The following GATM variants were observed in gnomAD, a reference collection of about 807,000 sequenced individuals.
GATM encodes the protein glycine amidinotransferase, mitochondrial.
GATM carries 23 observed loss-of-function variants against 54.2 expected under a neutral mutation model. The ratio of observed to expected loss-of-function variants is 0.42; its 90% CI spans 0.31 to 0.60. The LOEUF is 0.60. GATM is among the 20% of genes least tolerant of loss of function. GATM has a pLI of 0.14. For missense variants in GATM, 401 were observed against 544.9 expected (o/e 0.74, Z 2.63); for synonymous variants, 168 against 183.1 (o/e 0.92, Z 0.67).
intron 2 of GATM, 79 bp downstream of exon 2, chr15:45,376,522 G>A: frequency 6.6e-6 from 8 of 1,220,982 alleles, no homozygotes; most frequent in South Asian, 2.4e-5. Flanking sequence ...GGAGTAAGCT[G>A]AAGGGAAAGC....
intron 8 of GATM, among the ~76,000 whole-genome samples, chr15:45,363,182 G>C (rs1006702257): frequency 6.6e-6 from 1 of 152,260 alleles, no homozygotes; most frequent in Admixed American, 6.5e-5. Flanking sequence ...TGCGGCAGGA[G>C]AATCGCTTGA....
chr15:45,396,897 T>A (rs1153852), intron 3 of GATM: 80,073 of 134,828 alleles, frequency 0.59, 26,990 homozygotes, highest in East Asian at 0.93. Context: ...AAAAAAGCCA[T>A]AAGTATGGTA....
At chr15:45,365,913 C>A (rs1889440764) in intron 6 of GATM, 133 bp downstream of exon 6, 1 of 815,426 alleles carries the variant, frequency 1.2e-6, no homozygotes. Flanking sequence ...AATGTTTGAT[C>A]ATAATAATGT....
chr15:45,367,457 C>T (rs1024313580), intron 4 of GATM, among the ~76,000 whole-genome samples: 2 of 152,104 alleles, frequency 1.3e-5, no homozygotes, highest in African/African-American at 2.4e-5. Context: ...AATTTGGTCC[C>T]GAGCTTAACT....
At chr15:45,364,665 A>C in intron 7 of GATM, 132 bp downstream of exon 7, 1 of 802,418 alleles carries the variant, frequency 1.2e-6, no homozygotes, top group South Asian at 1.5e-5. Context: ...CACAGTCCCA[A>C]GCACCACTTC....
upstream of GATM, chr15:45,379,956 C>T (rs1037570555): frequency 2.0e-5 from 3 of 151,572 alleles, no homozygotes; most frequent in African/African-American, 7.3e-5. Context: ...CCCGTCTCTA[C>T]TAAAAATACA....
chr15:45,397,089 T>C (rs1462098382), intron 2 of GATM: 1 of 151,544 alleles, frequency 6.6e-6, no homozygotes, highest in Non-Finnish European at 1.5e-5. Flanking sequence ...TTTCCTGTTG[T>C]GAAGTAAGAA....
At chr15:45,379,932 T>TTG (rs1566843861), upstream of GATM, 2 of 151,520 alleles carry the variant, frequency 1.3e-5, no homozygotes, top group African/African-American at 4.9e-5. Flanking sequence ...CCATCCTGGC[T>TTG]AACATGGTGA....
intron 2 of GATM, 152 bp downstream of exon 2, chr15:45,376,449 A>C: frequency 1.4e-6 from 1 of 740,588 alleles, no homozygotes; most frequent in South Asian, 1.4e-5. Context: ...CATTGGTGTA[A>C]ATAGTGTCAA....
intron 4 of GATM, 88 bp downstream of exon 4, chr15:45,367,982 T>C: frequency 8.8e-7 from 1 of 1,133,640 alleles, no homozygotes; most frequent in Non-Finnish European, 1.3e-6. Flanking sequence ...ATGCATAATA[T>C]ATACAAGGTA....
At chr15:45,369,615 T>A in intron 2 of GATM, 94 bp from the exon 3 acceptor site, 1 of 1,150,914 alleles carries the variant, frequency 8.7e-7, no homozygotes, top group Non-Finnish European at 1.3e-6. Context: ...GTATAAGGTA[T>A]TGGAATTGAG....
upstream of GATM, among the ~76,000 whole-genome samples, chr15:45,382,930 C>T (rs1889759554): frequency 6.6e-6 from 1 of 152,138 alleles, no homozygotes. Flanking sequence ...TAGTCAATTC[C>T]AGGTAAACTG....
chr15:45,378,211 A>C, intron 1 of GATM, 174 bp downstream of exon 1: 1 of 504,688 alleles, frequency 2.0e-6, no homozygotes, highest in Non-Finnish European at 3.5e-6. Flanking sequence ...GAGCCTGCGA[A>C]GGCTCTTGAA....
chr15:45,363,145 G>A (rs9972528), intron 8 of GATM, among the ~76,000 whole-genome samples: 1 of 152,024 alleles, frequency 6.6e-6, no homozygotes, highest in Non-Finnish European at 1.5e-5. Flanking sequence ...GGTGGTGTAT[G>A]CTTGTAATCC....
intron 6 of GATM, among the ~76,000 whole-genome samples, 174 bp downstream of exon 6, chr15:45,365,872 T>C (rs916961362): frequency 7.2e-5 from 11 of 152,236 alleles, no homozygotes; most frequent in Admixed American, 7.2e-4. Flanking sequence ...TTCTGCATGG[T>C]GGACATCTTG....
intron 7 of GATM, 172 bp downstream of exon 7, chr15:45,364,625 A>G: frequency 1.6e-6 from 1 of 623,698 alleles, no homozygotes; most frequent in South Asian, 2.0e-5. Flanking sequence ...AAAAAGTTGC[A>G]AACACAAGTC....
chr15:45,362,332 C>T (rs1889378735), intron 8 of GATM, 111 bp from the exon 9 acceptor site: 1 of 718,044 alleles, frequency 1.4e-6, no homozygotes, highest in East Asian at 2.7e-5. Flanking sequence ...CTTAAGGATA[C>T]CCAACCCAGA....
chr15:45,383,237 T>G (rs1376568068), upstream of GATM, among the ~76,000 whole-genome samples: 1 of 152,228 alleles, frequency 6.6e-6, no homozygotes, highest in African/African-American at 2.4e-5. Context: ...CACTGTCCCT[T>G]ACGAGTCATT....
At chr15:45,398,386 AT>A (rs1175421040) in intron 2 of GATM, among the ~76,000 whole-genome samples, 1 of 152,246 alleles carries the variant, frequency 6.6e-6, no homozygotes, top group Non-Finnish European at 1.5e-5. Flanking sequence ...TTTCAGAATG[AT>A]GTTCTATGAA....
Sources: gnomAD v4.1 joint callset for allele counts (sites outside exome capture counted in the v4.1 genomes callset) on GRCh38, gnomAD v4.1.1 for gene constraint, MANE v1.5 for transcripts, NCBI Gene and HGNC (gene_info 2026-07-23, HGNC 2026-07-21) for gene names.